The following NCAM2 variants were observed in gnomAD, a reference collection of about 807,000 sequenced individuals.
NCAM2 encodes N-CAM-2.
Under a neutral mutation model 98.1 loss-of-function variants are expected in NCAM2, and 30 were observed. That is an observed-to-expected ratio of 0.31 (90% confidence interval 0.23 to 0.41). The LOEUF is 0.41. Ranked by LOEUF, NCAM2 falls within the 10% of genes least tolerant of loss-of-function variation. The pLI is 1.00. For synonymous variants in NCAM2, 368 were observed against 342.4 expected (o/e 1.07, Z -0.83); for missense variants, 867 against 1,005.8 (o/e 0.86, Z 1.87).
At chr21:21,044,236 A>G (rs923238820) in intron 1 of NCAM2, among the ~76,000 whole-genome samples, 78 of 152,318 alleles carry the variant, frequency 5.1e-4, no homozygotes, top group African/African-American at 1.8e-3. Flanking sequence ...TTTCAAGTCT[A>G]TGGAAGATCT....
At chr21:21,480,305 T>G (rs1985737090) in intron 15 of NCAM2, among the ~76,000 whole-genome samples, 1 of 143,728 alleles carries the variant, frequency 7.0e-6, no homozygotes, top group South Asian at 2.1e-4. Flanking sequence ...AGGCGGAGCT[T>G]GCAGTGAGCC....
intron 1 of NCAM2, among the ~76,000 whole-genome samples, chr21:21,199,031 T>TA (rs972524119): frequency 2.0e-5 from 3 of 152,166 alleles, no homozygotes; most frequent in Non-Finnish European, 2.9e-5. Flanking sequence ...TCCTAGGATT[T>TA]AAAAAAATCA....
intron 12 of NCAM2, among the ~76,000 whole-genome samples, chr21:21,464,283 T>C (rs1464366205): frequency 1.3e-5 from 2 of 152,082 alleles, no homozygotes; most frequent in Non-Finnish European, 2.9e-5. Context: ...TCAAGTCTTA[T>C]TCCAAAACAT....
intron 12 of NCAM2, among the ~76,000 whole-genome samples, chr21:21,460,862 A>G (rs914796233): frequency 6.6e-6 from 1 of 151,924 alleles, no homozygotes; most frequent in Non-Finnish European, 1.5e-5. Flanking sequence ...TGGAGGTTAG[A>G]GTTTCCGTCA....
In NCAM2 at chr21:21,363,296, G is replaced by A. The variant is rs186433702; in HGVS notation, c.1045-10567G>A. Among the ~76,000 whole-genome samples, 93 of 152,178 alleles carry A rather than the reference G, an allele frequency of 6.1e-4. 1 individual carries two copies. The highest frequency in any genetic ancestry group is 5.6e-3 in the Admixed American group (85 of 15,274). On this transcript the variant is annotated intron_variant, in intron 8 of 17. Coordinates refer to ENST00000400546, the MANE Select transcript of NCAM2 (RefSeq NM_004540.5). Reference sequence around the variant, plus strand: ...TTGTGACATAACTACCTCTTTCTATGTTACTGGAAACATGGCTAGCTTTGT... The same window carrying A: ...TTGTGACATAACTACCTCTTTCTATATTACTGGAAACATGGCTAGCTTTGT...
chr21:21,307,454 G>T (rs1205203692), intron 5 of NCAM2, among the ~76,000 whole-genome samples: 1 of 152,016 alleles, frequency 6.6e-6, no homozygotes, highest in Admixed American at 6.6e-5. Context: ...AAATTTTGTG[G>T]CTCAAAACAG....
intron 5 of NCAM2, among the ~76,000 whole-genome samples, chr21:21,311,669 C>T (rs993296510): frequency 3.9e-5 from 6 of 152,016 alleles, no homozygotes; most frequent in Non-Finnish European, 7.4e-5. Flanking sequence ...TTACTAAAGT[C>T]TTCTTTTGTT....
intron 1 of NCAM2, chr21:21,223,649 A>G (rs2070260721): frequency 6.6e-6 from 1 of 152,146 alleles, no homozygotes; most frequent in African/African-American, 2.4e-5. Context: ...TGAGTGCACC[A>G]TGCAATGTTA....
At chr21:21,190,240 G>A (rs79820709) in intron 1 of NCAM2, among the ~76,000 whole-genome samples, 1 of 152,172 alleles carries the variant, frequency 6.6e-6, no homozygotes. Flanking sequence ...AAGTGTTAGT[G>A]CAAGTAAGGA....
At chr21:21,537,657 T>C (rs1051320711) in intron 17 of NCAM2, among the ~76,000 whole-genome samples, 189 bp from the exon 18 acceptor site, 3 of 152,092 alleles carry the variant, frequency 2.0e-5, no homozygotes, top group Non-Finnish European at 4.4e-5. Flanking sequence ...TATATTATGT[T>C]AATAAATTTA....
At chr21:21,084,871 A>T (rs1316863625) in intron 1 of NCAM2, among the ~76,000 whole-genome samples, 1 of 152,342 alleles carries the variant, frequency 6.6e-6, no homozygotes, top group East Asian at 1.9e-4. Context: ...TAGTAAAAAT[A>T]GTACCTTTTT....
At chr21:21,402,035 G>T (rs1299624478) in intron 9 of NCAM2, among the ~76,000 whole-genome samples, 3 of 152,138 alleles carry the variant, frequency 2.0e-5, no homozygotes, top group African/African-American at 7.2e-5. Context: ...ACCCTGTGAT[G>T]ATTGCGTTAA....
At chr21:21,440,248 A>C in intron 12 of NCAM2, among the ~76,000 whole-genome samples, 1 of 152,002 alleles carries the variant, frequency 6.6e-6, no homozygotes, top group African/African-American at 2.4e-5. Flanking sequence ...CCTTCACCCA[A>C]CCTCCCCTTA....
intron 9 of NCAM2, among the ~76,000 whole-genome samples, chr21:21,378,104 T>A (rs2076072663): frequency 6.6e-6 from 1 of 152,066 alleles, no homozygotes; most frequent in Admixed American, 6.6e-5. Context: ...TTTAGGTTGA[T>A]TCCATATCTA....
chr21:21,513,168 A>G (rs1480193159), intron 16 of NCAM2, among the ~76,000 whole-genome samples: 2 of 152,080 alleles, frequency 1.3e-5, no homozygotes, highest in African/African-American at 4.8e-5. Context: ...CAGATCTTAG[A>G]GGAAAGGCTG....
rs56710788 is a variant in NCAM2, at chr21:21,514,472, CAAAAAAAAAAA to C, written c.2282+5432_2282+5442del. 7.0e-4 allele frequency among the ~76,000 whole-genome samples: 89 copies of C among 127,734 alleles called. 1 individual carries two copies. The highest frequency in any genetic ancestry group is 1.1e-3 in the African/African-American group (38 of 33,640). 83.8% of individuals were successfully genotyped at this position (127,734 alleles called of 152,430 possible). A position where few individuals can be genotyped will look rare whatever the true frequency, so the allele number is the denominator to read the frequency against. ...AAGAGCAAAACTTTGTCTCAAAAAACAAAAAAAAAAAAAAAAAAAAAAAAATGTTTTCTCTG... is the reference window on the plus strand; with the variant it reads ...AAGAGCAAAACTTTGTCTCAAAAAACAAAAAAAAAAAAAATGTTTTCTCTG... On this transcript the variant is annotated intron_variant, in intron 16 of 17. Transcript: ENST00000400546.
intron 9 of NCAM2, chr21:21,385,570 C>T (rs532339258): frequency 1.8e-6 from 2 of 1,123,940 alleles, no homozygotes; most frequent in Admixed American, 4.7e-5. Context: ...GAAAATTAAG[C>T]CTTTTTTTGC....
intron 15 of NCAM2, among the ~76,000 whole-genome samples, chr21:21,494,267 A>G (rs9979843): frequency 6.6e-6 from 1 of 151,924 alleles, no homozygotes; most frequent in Non-Finnish European, 1.5e-5. Context: ...GTATAATCAT[A>G]TAGAGATATG....
intron 8 of NCAM2, among the ~76,000 whole-genome samples, chr21:21,348,557 C>G (rs1341178208): frequency 6.6e-6 from 1 of 151,976 alleles, no homozygotes; most frequent in South Asian, 2.1e-4. Flanking sequence ...CAATCCCTAT[C>G]AAAATTTAAT....
Sources: allele counts gnomAD v4.1 joint callset (sites outside exome capture counted in the v4.1 genomes callset), GRCh38; gene constraint gnomAD v4.1.1; transcripts MANE v1.5; gene names NCBI Gene and HGNC (gene_info 2026-07-23, HGNC 2026-07-21).